Variants in ATXN8OS observed in about 807,000 individuals in gnomAD.
ATXN8OS encodes ATXN8 opposite strand (non-protein coding).
At chr13:70,157,346 A>G (rs887983267) in intron 4 of ATXN8OS, among the ~76,000 whole-genome samples, 1 of 151,994 alleles carries the variant, frequency 6.6e-6, no homozygotes, top group Non-Finnish European at 1.5e-5. Context: ...TTTTTTTCAT[A>G]TTCATTAAAC....
At chr13:70,131,674 C>G in intron 3 of ATXN8OS, 1 of 395,200 alleles carries the variant, frequency 2.5e-6, no homozygotes, top group Non-Finnish European at 4.5e-6. Context: ...CTCTGGCCAA[C>G]CCAGACTAGA....
intron 3 of ATXN8OS, among the ~76,000 whole-genome samples, chr13:70,142,309 G>A (rs995887525): frequency 4.6e-5 from 7 of 152,158 alleles, no homozygotes; most frequent in Admixed American, 4.6e-4. Flanking sequence ...AGTCCACTGG[G>A]CTTTAGGCTA....
At chr13:70,164,049 T>TTTATTC (rs57975969) in intron 4 of ATXN8OS, among the ~76,000 whole-genome samples, 162 of 140,498 alleles carry the variant, frequency 1.2e-3, no homozygotes, top group Middle Eastern at 3.7e-3. Flanking sequence ...GCTGGAAGTT[T>TTTATTC]TTATTCTTAT....
At chr13:70,112,920 A>ATATATATATATATATATTTT (rs1555298511) in intron 1 of ATXN8OS, among the ~76,000 whole-genome samples, 2 of 87,590 alleles carry the variant, frequency 2.3e-5, no homozygotes, top group African/African-American at 8.8e-5. Flanking sequence ...TATATATATA[A>ATATATATATATATATATTTT]TTTTTTTTTT....
At chr13:70,155,719 C>T (rs922196116) in intron 4 of ATXN8OS, among the ~76,000 whole-genome samples, 1 of 151,164 alleles carries the variant, frequency 6.6e-6, no homozygotes, top group Non-Finnish European at 1.5e-5. Context: ...ATATGCTTCT[C>T]ATAGGTGGGT....
chr13:70,167,801 T>C (rs925079122), intron 4 of ATXN8OS, among the ~76,000 whole-genome samples: 1 of 135,368 alleles, frequency 7.4e-6, no homozygotes, highest in Non-Finnish European at 1.5e-5. Context: ...AGTGGCGCGA[T>C]CTCGGCTCAC....
At chr13:70,112,419 C>A (rs1001935409) in intron 1 of ATXN8OS, among the ~76,000 whole-genome samples, 24 of 151,784 alleles carry the variant, frequency 1.6e-4, no homozygotes, top group Middle Eastern at 3.4e-3. Context: ...CTTTTTTTCC[C>A]AAAATGATTG....
intron 4 of ATXN8OS, among the ~76,000 whole-genome samples, chr13:70,165,158 C>A (rs1436644116): frequency 6.6e-6 from 1 of 151,386 alleles, no homozygotes; most frequent in Non-Finnish European, 1.5e-5. Flanking sequence ...AAAATAAATT[C>A]AAGGAAAAAC....
chr13:70,124,938 T>G (rs1419743988), intron 2 of ATXN8OS, among the ~76,000 whole-genome samples: 1 of 150,382 alleles, frequency 6.6e-6, no homozygotes, highest in African/African-American at 2.5e-5. Context: ...TTGAGGGTTT[T>G]TTTTTTTTTG....
intron 4 of ATXN8OS, among the ~76,000 whole-genome samples, chr13:70,156,296 A>G (rs1888936247): frequency 6.6e-6 from 1 of 151,602 alleles, no homozygotes; most frequent in Non-Finnish European, 1.5e-5. Context: ...TCACTTTCCA[A>G]GTATATTATT....
intron 4 of ATXN8OS, among the ~76,000 whole-genome samples, chr13:70,157,560 A>C (rs957216228): frequency 6.6e-6 from 1 of 151,844 alleles, no homozygotes; most frequent in East Asian, 1.9e-4. Flanking sequence ...CAGTTAAAAA[A>C]AAAAACAAAA....
At chr13:70,115,853 T>C (rs1200116314) in intron 2 of ATXN8OS, among the ~76,000 whole-genome samples, 1 of 152,132 alleles carries the variant, frequency 6.6e-6, no homozygotes, top group Non-Finnish European at 1.5e-5. Flanking sequence ...GGTTTCAGAA[T>C]ATTTTGGTGC....
intron 2 of ATXN8OS, among the ~76,000 whole-genome samples, chr13:70,117,017 C>A (rs1888288967): frequency 6.6e-6 from 1 of 152,174 alleles, no homozygotes; most frequent in South Asian, 2.1e-4. Context: ...AGGTCTTCCT[C>A]GGCTATATAT....
At chr13:70,133,809 C>T (rs1888567908) in intron 3 of ATXN8OS, among the ~76,000 whole-genome samples, 1 of 152,120 alleles carries the variant, frequency 6.6e-6, no homozygotes, top group South Asian at 2.1e-4. Context: ...CATATTCATT[C>T]TGGACTTGTA....
chr13:70,167,274 A>G (rs1175522340), intron 4 of ATXN8OS, among the ~76,000 whole-genome samples: 1 of 152,144 alleles, frequency 6.6e-6, no homozygotes, highest in Non-Finnish European at 1.5e-5. Context: ...ATGTCTAACA[A>G]TGATACACTG....
intron 2 of ATXN8OS, among the ~76,000 whole-genome samples, chr13:70,125,133 C>G (rs1374714108): frequency 6.6e-6 from 1 of 152,044 alleles, no homozygotes; most frequent in Non-Finnish European, 1.5e-5. Context: ...CTATCAATTA[C>G]CCTAATTTTT....
At chr13:70,122,849 TAC>T (rs1267864728) in intron 2 of ATXN8OS, among the ~76,000 whole-genome samples, 5 of 152,010 alleles carry the variant, frequency 3.3e-5, no homozygotes, top group Non-Finnish European at 7.4e-5. Flanking sequence ...CTGAAAATGA[TAC>T]AGATAGATCT....
chr13:70,118,771 T>G (rs145511971), intron 2 of ATXN8OS, among the ~76,000 whole-genome samples: 256 of 152,166 alleles, frequency 1.7e-3, no homozygotes, highest in African/African-American at 5.9e-3. Flanking sequence ...GGCACTTATA[T>G]TCAACAGAAC....
At chr13:70,146,117 A>G (rs1278079280) in intron 3 of ATXN8OS, among the ~76,000 whole-genome samples, 3 of 148,424 alleles carry the variant, frequency 2.0e-5, no homozygotes, top group Admixed American at 6.8e-5. Flanking sequence ...ATGAACAGAC[A>G]CTTCTCAAAA....
Sources: allele counts gnomAD v4.1 joint callset (sites outside exome capture counted in the v4.1 genomes callset), GRCh38; gene constraint gnomAD v4.1.1; transcripts MANE v1.5; gene names NCBI Gene and HGNC (gene_info 2026-07-23, HGNC 2026-07-21).